The following CCDC191 variants were observed in gnomAD, a reference collection of about 807,000 sequenced individuals.
The protein encoded by CCDC191 is coiled-coil domain containing 191, also known as coiled-coil domain-containing protein 191.
Under a neutral mutation model 114.0 loss-of-function variants are expected in CCDC191, and 99 were observed. That is an observed-to-expected ratio of 0.87 (90% confidence interval 0.74 to 1.03). The LOEUF (loss-of-function observed/expected upper bound fraction) is 1.03, where lower values mean the gene tolerates loss of function less well. Among genes scored for constraint, CCDC191 ranks in the 50% least tolerant of loss-of-function variants. The pLI, the probability that CCDC191 is intolerant of heterozygous loss-of-function variation, is 0.00. For missense variants in CCDC191, 973 were observed against 1,087.0 expected (o/e 0.90, Z 1.47); for synonymous variants, 351 against 376.0 (o/e 0.93, Z 0.77).
At chr3:113,997,247 C>A (rs899467114) in intron 13 of CCDC191, among the ~76,000 whole-genome samples, 2 of 152,030 alleles carry the variant, frequency 1.3e-5, no homozygotes. Flanking sequence ...ATAGGATAAA[C>A]CCTCTAGTGC....
chr3:114,035,477 A>G (rs1455265778), intron 5 of CCDC191, among the ~76,000 whole-genome samples: 1 of 152,208 alleles, frequency 6.6e-6, no homozygotes, highest in African/African-American at 2.4e-5. Flanking sequence ...CAAGGTGTAC[A>G]TTACTGCTTT....
intron 16 of CCDC191, among the ~76,000 whole-genome samples, chr3:113,970,565 T>C (rs570600755): frequency 6.6e-6 from 1 of 152,224 alleles, no homozygotes; most frequent in African/African-American, 2.4e-5. Context: ...GGCCAGGATG[T>C]TGATTTTTCT....
At chr3:113,980,414 G>A (rs1466351408) in intron 14 of CCDC191, among the ~76,000 whole-genome samples, 1 of 152,050 alleles carries the variant, frequency 6.6e-6, no homozygotes, top group Admixed American at 6.6e-5. Flanking sequence ...TACCTTGGGG[G>A]GATCTCTAAT....
rs1454073013 is a variant in CCDC191 at position 114,031,554 on chromosome 3, A to C, written c.972+72T>G. The C allele has an allele frequency of 3.2e-6, 4 of 1,266,240 alleles. No individual in the cohort carries two copies. In the African/African-American group the frequency reaches 6.0e-5, roughly 19 times the overall value. The allele number at this position is 1,266,240 out of a possible 1,614,324, so 78.4% of individuals were successfully genotyped here. ...TTCAACTGGACTTAGTTTTTATTTT[A>C]TCCCATCTCTGATGGAGCTCTTTGT... On this transcript the variant is annotated intron_variant, in intron 7 of 16. Coordinates refer to ENST00000295878, the MANE Select transcript of CCDC191 (RefSeq NM_020817.2).
At chr3:113,965,703 C>T (rs1013025939) in intron 16 of CCDC191, among the ~76,000 whole-genome samples, 1 of 152,136 alleles carries the variant, frequency 6.6e-6, no homozygotes, top group South Asian at 2.1e-4. Flanking sequence ...GATTCTTGTG[C>T]CTCAGCCTCC....
At chr3:113,982,703 T>A (rs780276160) in intron 13 of CCDC191, among the ~76,000 whole-genome samples, 5 of 152,016 alleles carry the variant, frequency 3.3e-5, no homozygotes, top group Non-Finnish European at 7.4e-5. Flanking sequence ...CCTTGTACGC[T>A]ACTCTCCCTT....
intron 1 of CCDC191, among the ~76,000 whole-genome samples, chr3:114,053,887 T>G (rs745589408): frequency 6.6e-6 from 1 of 152,176 alleles, no homozygotes; most frequent in Non-Finnish European, 1.5e-5. Flanking sequence ...TGTGATTTAA[T>G]TGGTCTGGGA....
At chr3:114,034,838 ATGTT>A (rs2076458548) in intron 6 of CCDC191, 83 bp downstream of exon 6, 13 of 1,024,048 alleles carry the variant, frequency 1.3e-5, no homozygotes, top group African/African-American at 3.2e-5. Context: ...TTGTTATTGA[ATGTT>A]TGTGCACTTC....
chr3:114,053,072 A>G (rs2076718605), intron 2 of CCDC191, among the ~76,000 whole-genome samples: 3 of 152,246 alleles, frequency 2.0e-5, no homozygotes, highest in Admixed American at 2.0e-4. Context: ...CCTTCACTGA[A>G]TCCTCAAACA....
chr3:114,011,949 G>A (rs1034647134), intron 8 of CCDC191, among the ~76,000 whole-genome samples: 16 of 152,184 alleles, frequency 1.1e-4, no homozygotes, highest in Non-Finnish European at 1.5e-5. Flanking sequence ...TCAGGGATCA[G>A]CTTTGAGGTT....
intron 13 of CCDC191, among the ~76,000 whole-genome samples, chr3:113,989,387 T>A (rs933264319): frequency 2.6e-5 from 4 of 152,196 alleles, no homozygotes; most frequent in Non-Finnish European, 5.9e-5. Context: ...CATGGAACAT[T>A]CACTGAGATA....
chr3:114,005,658 T>C lies in CCDC191; in HGVS notation c.1718A>G (p.Gln573Arg). Reference sequence around the variant, plus strand: ...CTTCAGCTCGAGAATTGTTTTCTGCTGTTCCTGAAGTTTCTTCTTTTGCTT... The same window carrying C: ...CTTCAGCTCGAGAATTGTTTTCTGCCGTTCCTGAAGTTTCTTCTTTTGCTT... ...IEKQKKKLQE[Q>R]QKTILELKKN... Residue 573 changes from glutamine to arginine, a missense_variant, in exon 10 of 17, where the codon CAG becomes CGG. By Grantham distance (43) the Gln-to-Arg change is conservative. Transcript: ENST00000295878. The C allele has an allele frequency of 6.2e-7, 1 of 1,614,182 alleles. No homozygotes were observed. Among genetic ancestry groups the C allele is most frequent in the Non-Finnish European group, 8.5e-7 (1 of 1,180,002 alleles).
At chr3:114,016,917 T>C (rs960285163) in intron 8 of CCDC191, among the ~76,000 whole-genome samples, 3 of 152,162 alleles carry the variant, frequency 2.0e-5, no homozygotes, top group Non-Finnish European at 2.9e-5. Context: ...CAGCTATTCC[T>C]TTCTGAGTAA....
intron 2 of CCDC191, among the ~76,000 whole-genome samples, 172 bp downstream of exon 2, chr3:114,053,425 C>A (rs755364308): frequency 5.9e-5 from 9 of 151,958 alleles, no homozygotes; most frequent in African/African-American, 1.9e-4. Context: ...TGAGAGGCAA[C>A]AGAATTATGA....
intron 13 of CCDC191, chr3:113,984,579 T>A (rs2075286932): frequency 6.6e-6 from 1 of 152,200 alleles, no homozygotes; most frequent in Non-Finnish European, 1.5e-5. Context: ...AGCATCTTTG[T>A]CCAGAAGGAA....
intron 2 of CCDC191, among the ~76,000 whole-genome samples, chr3:114,049,035 C>A (rs1167413160): frequency 2.6e-5 from 4 of 152,208 alleles, no homozygotes; most frequent in Non-Finnish European, 5.9e-5. Context: ...GCTTTTCCAT[C>A]CAAATTCTTG....
intron 16 of CCDC191, among the ~76,000 whole-genome samples, chr3:113,976,268 A>C (rs1042035968): frequency 1.3e-5 from 2 of 152,026 alleles, no homozygotes; most frequent in Non-Finnish European, 2.9e-5. Flanking sequence ...CAGGGTAAAA[A>C]AAAAAACAAA....
chr3:113,980,796 G>A lies in CCDC191; in HGVS notation c.2164-3C>T. The A allele has an allele frequency of 6.3e-7, 1 of 1,592,530 alleles. No homozygotes were observed. Among genetic ancestry groups the A allele is most frequent in the Non-Finnish European group, 8.5e-7 (1 of 1,174,178 alleles). On this transcript the variant is annotated splice_polypyrimidine_tract_variant and splice_region_variant and intron_variant, in intron 13 of 16. Transcript: ENST00000295878. ...CTCTTCTGCTTCTCAAGTTCTTTCT[G>A]GAAAAGATTAAAAAGCAAAATGCTA...
At chr3:113,994,564 C>T (rs1407322035) in intron 13 of CCDC191, among the ~76,000 whole-genome samples, 2 of 147,352 alleles carry the variant, frequency 1.4e-5, no homozygotes, top group African/African-American at 5.0e-5. Context: ...GAATTGAAAA[C>T]TTAAAAAACT....
Sources: gnomAD v4.1 joint callset for allele counts (sites outside exome capture counted in the v4.1 genomes callset) on GRCh38, gnomAD v4.1.1 for gene constraint, MANE v1.5 for transcripts, NCBI Gene and HGNC (gene_info 2026-07-23, HGNC 2026-07-21) for gene names.